KAZN: variants seen among roughly 807,000 people sequenced by gnomAD.
The protein encoded by KAZN is kazrin, periplakin interacting protein.
In KAZN, 40 loss-of-function variants were observed where a neutral mutation model predicts 87.4. That is an observed-to-expected ratio of 0.46 (90% CI 0.36 to 0.60). The LOEUF (loss-of-function observed/expected upper bound fraction) is 0.60. Ranked by LOEUF, KAZN falls within the 20% of genes least tolerant of loss-of-function variation. The pLI is 0.00. For synonymous variants in KAZN, 466 were observed against 458.3 expected (o/e 1.02, Z -0.22); for missense variants, 898 against 1,073.9 (o/e 0.84, Z 2.29).
At chr1:14,035,412 A>G (rs915036163) in intron 1 of KAZN, among the ~76,000 whole-genome samples, 3 of 152,018 alleles carry the variant, frequency 2.0e-5, no homozygotes, top group Admixed American at 6.6e-5. Context: ...TCACCTGCCT[A>G]AAGCAAGCAT....
At chr1:14,384,498 C>T (rs1661683856) in intron 2 of KAZN, among the ~76,000 whole-genome samples, 3 of 152,080 alleles carry the variant, frequency 2.0e-5, no homozygotes, top group Admixed American at 2.0e-4. Context: ...CCATCAATAC[C>T]TAATTTATTG....
At chr1:13,983,250 C>A (rs1189832543) in intron 1 of KAZN, among the ~76,000 whole-genome samples, 3 of 152,228 alleles carry the variant, frequency 2.0e-5, no homozygotes. Flanking sequence ...GGCACAGGAG[C>A]CCACGGAGGG....
At chr1:13,988,509 A>G (rs1413227202) in intron 1 of KAZN, among the ~76,000 whole-genome samples, 1 of 152,178 alleles carries the variant, frequency 6.6e-6, no homozygotes, top group Non-Finnish European at 1.5e-5. Context: ...CTTGTCTGGC[A>G]GTTAACAAGA....
chr1:14,039,207 G>C (rs1641696676), intron 1 of KAZN, among the ~76,000 whole-genome samples: 1 of 150,776 alleles, frequency 6.6e-6, no homozygotes, highest in African/African-American at 2.4e-5. Context: ...TAAAGTAATA[G>C]CTATTTGAGA....
intron 1 of KAZN, among the ~76,000 whole-genome samples, chr1:14,777,506 G>A (rs1301333782): frequency 4.0e-5 from 6 of 151,896 alleles, no homozygotes; most frequent in East Asian, 3.9e-4. Flanking sequence ...TGCCCCATGC[G>A]ACCCCCACAG....
intron 8 of KAZN, among the ~76,000 whole-genome samples, chr1:15,093,230 CA>C (rs1208141658): frequency 6.6e-6 from 1 of 152,072 alleles, no homozygotes; most frequent in Non-Finnish European, 1.5e-5. Context: ...GCACACACCT[CA>C]AATGCACGCA....
chr1:14,740,625 G>C (rs1644066561), intron 1 of KAZN, among the ~76,000 whole-genome samples: 1 of 152,022 alleles, frequency 6.6e-6, no homozygotes, highest in Non-Finnish European at 1.5e-5. Flanking sequence ...GGCGTGGTTT[G>C]AGCCCCACAG....
Position 14,045,059 on chromosome 1 carries a change from G to A in KAZN, c.92-135376G>A, listed in dbSNP as rs964412769. 1.9e-4 allele frequency among the ~76,000 whole-genome samples: 29 copies of A among 152,252 alleles called. 1 individual carries two copies. Among genetic ancestry groups the A allele is most frequent in the South Asian group, 1.0e-3 (5 of 4,824 alleles). On this transcript the variant is annotated intron_variant, in intron 1 of 16. Transcript: ENST00000636203. ...AATGTGAAAAGAGAGAGGCCAAGGA[G>A]CCCCAAGGGGCCAGTTACACAGATG...
intron 1 of KAZN, among the ~76,000 whole-genome samples, chr1:14,813,501 C>T (rs1039363450): frequency 4.6e-5 from 7 of 152,172 alleles, no homozygotes; most frequent in African/African-American, 1.2e-4. Context: ...AGTGAGTCAT[C>T]CTGGAAGCGG....
intron 1 of KAZN, among the ~76,000 whole-genome samples, chr1:14,711,045 T>C (rs1282525561): frequency 6.6e-6 from 1 of 151,642 alleles, no homozygotes; most frequent in African/African-American, 2.4e-5. Flanking sequence ...AAAACAAAAA[T>C]AGCTGGGCAT....
At chr1:14,727,755 C>CACT (rs1557428165) in intron 1 of KAZN, among the ~76,000 whole-genome samples, 2 of 151,646 alleles carry the variant, frequency 1.3e-5, no homozygotes, top group Non-Finnish European at 2.9e-5. Flanking sequence ...CGTGAGCCAC[C>CACT]GCTTCGGCTG....
chr1:14,720,824 C>T (rs1643057995), intron 1 of KAZN, among the ~76,000 whole-genome samples: 1 of 152,138 alleles, frequency 6.6e-6, no homozygotes, highest in Non-Finnish European at 1.5e-5. Flanking sequence ...TCAAGTGATT[C>T]TCCCGCCTCA....
chr1:14,167,038 A>G (rs1645842853), intron 1 of KAZN, among the ~76,000 whole-genome samples: 1 of 152,216 alleles, frequency 6.6e-6, no homozygotes, highest in Admixed American at 6.5e-5. Context: ...GGGATCAAGG[A>G]TCAAATCTCA....
chr1:14,196,614 G>A (rs58569534), intron 2 of KAZN, among the ~76,000 whole-genome samples: 1 of 152,044 alleles, frequency 6.6e-6, no homozygotes, highest in African/African-American at 2.4e-5. Context: ...TCAAGGGGAG[G>A]TGATTAAAGG....
At chr1:14,806,596 C>G (rs1464902192) in intron 1 of KAZN, among the ~76,000 whole-genome samples, 3 of 152,122 alleles carry the variant, frequency 2.0e-5, no homozygotes, top group Non-Finnish European at 4.4e-5. Flanking sequence ...GTTGTCTGCC[C>G]CCATTCAGAA....
intron 2 of KAZN, among the ~76,000 whole-genome samples, chr1:14,183,273 T>C (rs750259137): frequency 2.6e-5 from 4 of 152,044 alleles, no homozygotes; most frequent in Non-Finnish European, 4.4e-5. Flanking sequence ...CCAAGTATAA[T>C]GGGGAAGCCA....
chr1:13,983,608 C>T (rs1638862763), intron 1 of KAZN, among the ~76,000 whole-genome samples: 2 of 152,200 alleles, frequency 1.3e-5, no homozygotes, highest in South Asian at 4.1e-4. Context: ...GAAAGGGGCT[C>T]CCACAGCGAA....
intron 1 of KAZN, among the ~76,000 whole-genome samples, chr1:14,682,320 C>A (rs2148765094): frequency 6.7e-6 from 1 of 148,482 alleles, no homozygotes; most frequent in South Asian, 2.1e-4. Context: ...CAGGGTCTTG[C>A]TCGGTTGCTC....
At chr1:14,066,502 G>A (rs984537354) in intron 1 of KAZN, among the ~76,000 whole-genome samples, 1 of 152,086 alleles carries the variant, frequency 6.6e-6, no homozygotes, top group Admixed American at 6.5e-5. Context: ...CTATGATGAC[G>A]GGACATGACT....
Sources: allele counts gnomAD v4.1 joint callset (sites outside exome capture counted in the v4.1 genomes callset), GRCh38; gene constraint gnomAD v4.1.1; transcripts MANE v1.5; gene names NCBI Gene and HGNC (gene_info 2026-07-23, HGNC 2026-07-21).